Variants in PEAK1 observed in about 807,000 individuals in gnomAD.
PEAK1 encodes the protein inactive tyrosine-protein kinase PEAK1.
A neutral mutation model predicts 124.7 loss-of-function variants in PEAK1; 54 were observed. The observed-to-expected ratio is 0.43, with a 90% CI of 0.35 to 0.54. The LOEUF is 0.54. PEAK1 is among the 20% of genes least tolerant of loss of function. The pLI, the probability that PEAK1 is intolerant of heterozygous loss-of-function variation, is 0.01. For synonymous variants in PEAK1, 719 were observed against 760.0 expected (o/e 0.95, Z 0.89); for missense variants, 2,046 against 2,134.5 (o/e 0.96, Z 0.82).
chr15:77,316,187 G>A (rs1005147700), intron 2 of PEAK1, among the ~76,000 whole-genome samples: 1 of 151,900 alleles, frequency 6.6e-6, no homozygotes, highest in African/African-American at 2.4e-5. Context: ...TTTTCTTTAC[G>A]TGCATGTGTA....
chr15:77,291,148 C>A (rs1202435923), intron 2 of PEAK1, among the ~76,000 whole-genome samples: 1 of 152,186 alleles, frequency 6.6e-6, no homozygotes, highest in Non-Finnish European at 1.5e-5. Flanking sequence ...TTCAGATTTG[C>A]AGACAGTAAA....
intron 1 of PEAK1, among the ~76,000 whole-genome samples, chr15:77,395,684 C>A (rs1308468122): frequency 1.3e-5 from 2 of 151,964 alleles, no homozygotes; most frequent in Non-Finnish European, 2.9e-5. Context: ...AAAAAAAAAC[C>A]TTTATCCTAG....
In PEAK1 at chr15:77,239,832, T is replaced by C. The variant is rs377095253; in HGVS notation, c.-115+12535A>G. 1.8e-5 allele frequency: 18 copies of C among 984,988 alleles called. No individual in the cohort carries two copies. In the African/African-American group the frequency reaches 3.0e-4, roughly 16 times the overall value. The allele number at this position is 984,988 out of a possible 1,614,324, so 61.0% of individuals were successfully genotyped here. A position where few individuals can be genotyped will look rare whatever the true frequency, so the allele number is the denominator to read the frequency against. On this transcript the variant is annotated intron_variant, in intron 6 of 9. Coordinates refer to ENST00000682557, the MANE Select transcript of PEAK1 (RefSeq NM_001385026.1). ...TTTCAATGCATCTTTCAAAGACCAC[T>C]CTCTAGGAAATCACACAACTGCTCA...
Position 77,180,027 on chromosome 15 carries a change from C to A in PEAK1, c.1900G>T (p.Ala634Ser). The A allele has an allele frequency of 6.2e-7, 1 of 1,614,026 alleles. No homozygotes were observed. The highest frequency in any genetic ancestry group is 8.5e-7 in the Non-Finnish European group (1 of 1,179,916). The change falls in exon 7 of 10, where the codon GCA becomes TCA. Residue 634 changes from alanine (A) to serine (S), a missense_variant. Ala to Ser is a moderately conservative substitution (Grantham distance 99, BLOSUM62 1). Coordinates refer to ENST00000682557, the MANE Select transcript of PEAK1 (RefSeq NM_001385026.1). ...IKVPIVINPN[A>S]YDNLAIYKSF... ...TTGTAGATAGCTAGATTGTCATATGCATTTGGATTGATAACAATGGGAACT... is the reference window on the plus strand; with the variant it reads ...TTGTAGATAGCTAGATTGTCATATGAATTTGGATTGATAACAATGGGAACT...
chr15:77,310,855 G>C (rs1364321221), intron 2 of PEAK1, among the ~76,000 whole-genome samples: 1 of 152,200 alleles, frequency 6.6e-6, no homozygotes, highest in African/African-American at 2.4e-5. Context: ...CAAAGGTTCT[G>C]AGATGACAGG....
intron 2 of PEAK1, chr15:77,332,455 C>G (rs536542849): frequency 5.5e-6 from 1 of 183,266 alleles, no homozygotes; most frequent in Admixed American, 6.5e-5. Flanking sequence ...AAAAAATTAG[C>G]CAGGTGTGGT....
intron 2 of PEAK1, among the ~76,000 whole-genome samples, chr15:77,330,481 T>G (rs2065828596): frequency 7.7e-6 from 1 of 130,550 alleles, no homozygotes; most frequent in Admixed American, 7.7e-5. Flanking sequence ...GAGTCCAAAG[T>G]GCTTACAAAA....
Position 77,408,187 on chromosome 15 carries a change from A to ACACC in PEAK1, c.-666+11818_-666+11819insGGTG, listed in dbSNP as rs1491507372. 3.0e-4 allele frequency among the ~76,000 whole-genome samples: 44 copies of ACACC among 145,774 alleles called. 1 individual carries two copies. Among genetic ancestry groups the ACACC allele is most frequent in the East Asian group, 2.0e-4 (1 of 5,032 alleles). Reference sequence around the variant, plus strand: ...CACACACACACACACACACACACACACCCTGGAATACTACTCAGCCATAAA... The same window carrying ACACC: ...CACACACACACACACACACACACACACACCCCCTGGAATACTACTCAGCCATAAA... On this transcript the variant is annotated intron_variant, in intron 1 of 9. Coordinates refer to ENST00000682557, the MANE Select transcript of PEAK1 (RefSeq NM_001385026.1).
chr15:77,277,973 C>T (rs1223153679), intron 5 of PEAK1, among the ~76,000 whole-genome samples: 1 of 152,154 alleles, frequency 6.6e-6, no homozygotes. Context: ...GAATGTACAA[C>T]ACCAAGAGTG....
At chr15:77,402,931 A>G in intron 1 of PEAK1, 1 of 985,382 alleles carries the variant, frequency 1.0e-6, no homozygotes, top group Non-Finnish European at 1.2e-6. Flanking sequence ...GGCCAGAAAA[A>G]GCTTATGTTT....
In PEAK1 at chr15:77,114,658, T is replaced by C. The variant is rs2051193767; in HGVS notation, c.4739A>G (p.Glu1580Gly). 2 of 1,613,764 alleles carry C rather than the reference T, an allele frequency of 1.2e-6. No individual in the cohort carries two copies. The highest frequency in any genetic ancestry group is 1.7e-6 in the Non-Finnish European group (2 of 1,179,974). The change falls in exon 10 of 10, where the codon GAG becomes GGG. Residue 1580 changes from glutamate to glycine, a missense_variant. Coordinates refer to ENST00000682557, the MANE Select transcript of PEAK1 (RefSeq NM_001385026.1). Reference protein sequence around the residue: ...ILRDQSRLAPEIITATQYKKC... With the variant: ...ILRDQSRLAPGIITATQYKKC... ...TTTATACTGGGTAGCTGTTATGATC[T>C]CTGGGGCAAGGCGAGACTGGTCCCG...
intron 6 of PEAK1, among the ~76,000 whole-genome samples, chr15:77,194,353 T>A (rs974936120): frequency 1.3e-5 from 2 of 152,188 alleles, no homozygotes; most frequent in Admixed American, 6.5e-5. Flanking sequence ...CATAAAGCCA[T>A]TAATTGTTCT....
At position 77,114,993 on chromosome 15, in the gene PEAK1, A is replaced by ACAC; in HGVS notation, c.4403_4404insGTG (p.Pro1467_Cys1468insTrp). The ACAC allele has an allele frequency of 6.2e-7, 1 of 1,614,118 alleles. No individual in the cohort carries two copies. The highest frequency in any genetic ancestry group is 8.5e-7 in the Non-Finnish European group (1 of 1,180,026). The stretch of plus-strand genomic sequence containing the variant: ...CTCGCACAAAATCAGCCACAGTAAG[A>ACAC]CATGGAACCTCCCTGGTGATGACCA... On this transcript the variant is annotated inframe_insertion, in exon 10 of 10. Transcript: ENST00000682557.
chr15:77,199,030 G>A (rs1431842200), intron 6 of PEAK1, among the ~76,000 whole-genome samples: 2 of 152,198 alleles, frequency 1.3e-5, no homozygotes, highest in Non-Finnish European at 2.9e-5. Flanking sequence ...TTTAAGGCAG[G>A]AAGGGATAGG....
intron 7 of PEAK1, chr15:77,178,540 G>C (rs111376196): frequency 2.1e-6 from 1 of 480,508 alleles, no homozygotes; most frequent in South Asian, 5.1e-5. Flanking sequence ...CTATGCTAAA[G>C]TTCCTCTGCA....
rs146250275 is a variant in PEAK1, at chr15:77,382,363, G to T, written c.-665-17138C>A. On this transcript the variant is annotated intron_variant, in intron 1 of 9. Transcript: ENST00000682557. The stretch of plus-strand genomic sequence containing the variant: ...CAATCATTTCTACTGAATGTCTATA[G>T]ATCCCCAGTCTTTAACGTTGTCTAA... Among the ~76,000 whole-genome samples the T allele has an allele frequency of 5.1e-3, 780 of 152,224 alleles. 5 individuals carry two copies. The highest frequency in any genetic ancestry group is 0.018 in the African/African-American group (730 of 41,536).
chr15:77,333,209 T>A (rs1036222901), intron 2 of PEAK1: 1 of 910,714 alleles, frequency 1.1e-6, no homozygotes, highest in African/African-American at 1.8e-5. Context: ...GGTCTTGAAC[T>A]CCTAGGCTCA....
chr15:77,154,789 T>C (rs1009384843), intron 8 of PEAK1, among the ~76,000 whole-genome samples: 33 of 152,046 alleles, frequency 2.2e-4, no homozygotes, highest in Non-Finnish European at 4.0e-4. Flanking sequence ...AAAATTCTTT[T>C]CTTTAAGAAT....
chr15:77,280,749 G>C (rs1380651175), intron 5 of PEAK1, among the ~76,000 whole-genome samples: 2 of 152,076 alleles, frequency 1.3e-5, no homozygotes, highest in African/African-American at 4.8e-5. Flanking sequence ...GGTTTTATGT[G>C]ATCTTTTATG....
Sources: allele counts gnomAD v4.1 joint callset (sites outside exome capture counted in the v4.1 genomes callset), GRCh38; gene constraint gnomAD v4.1.1; transcripts MANE v1.5; gene names NCBI Gene and HGNC (gene_info 2026-07-23, HGNC 2026-07-21).